Variants in CHSY3 observed in about 807,000 individuals in gnomAD.
The protein encoded by CHSY3 is chondroitin sulfate synthase 3.
CHSY3 carries 35 observed loss-of-function variants against 67.2 expected under a neutral mutation model. The observed-to-expected ratio is 0.52, with a 90% CI of 0.40 to 0.69. CHSY3 has a LOEUF of 0.69. Among genes scored for constraint, CHSY3 ranks in the 30% least tolerant of loss-of-function variants. The pLI is 0.00. For synonymous variants in CHSY3, 474 were observed against 434.7 expected (o/e 1.09, Z -1.12); for missense variants, 1,069 against 1,138.5 (o/e 0.94, Z 0.88).
intron 2 of CHSY3, among the ~76,000 whole-genome samples, chr5:129,911,273 C>T (rs570106466): frequency 6.6e-6 from 1 of 152,108 alleles, no homozygotes; most frequent in East Asian, 1.9e-4. Context: ...ATTACTTTCT[C>T]TGTGTTTGTA....
At chr5:129,914,473 G>A (rs1305658860) in intron 2 of CHSY3, among the ~76,000 whole-genome samples, 1 of 152,124 alleles carries the variant, frequency 6.6e-6, no homozygotes, top group Non-Finnish European at 1.5e-5. Flanking sequence ...TGCCCCCAAA[G>A]TATATTCATA....
chr5:129,949,574 A>C (rs1270935761), intron 2 of CHSY3, among the ~76,000 whole-genome samples: 7 of 152,156 alleles, frequency 4.6e-5, no homozygotes, highest in Non-Finnish European at 8.8e-5. Context: ...CTCTTCCCAA[A>C]AATTGAAGAA....
chr5:129,975,934 T>C (rs188446794), intron 2 of CHSY3, among the ~76,000 whole-genome samples: 66 of 152,266 alleles, frequency 4.3e-4, no homozygotes, highest in African/African-American at 1.3e-3. Context: ...GACTGATGCA[T>C]GCAGAGTTGA....
intron 2 of CHSY3, among the ~76,000 whole-genome samples, chr5:129,939,807 A>G (rs903475020): frequency 1.3e-5 from 2 of 152,202 alleles, no homozygotes; most frequent in Admixed American, 1.3e-4. Context: ...AATCTTTATA[A>G]GTGCTGCTTA....
chr5:129,919,426 G>A (rs1760845338), intron 2 of CHSY3, among the ~76,000 whole-genome samples: 1 of 152,200 alleles, frequency 6.6e-6, no homozygotes. Flanking sequence ...TGCTGATAGA[G>A]AGATACATGA....
chr5:130,086,980 C>T (rs1156631890), intron 2 of CHSY3, among the ~76,000 whole-genome samples: 1 of 152,112 alleles, frequency 6.6e-6, no homozygotes, highest in Non-Finnish European at 1.5e-5. Context: ...AAAATACTGG[C>T]AAACCGAATC....
intron 2 of CHSY3, among the ~76,000 whole-genome samples, chr5:130,111,338 G>A (rs1191877037): frequency 6.6e-6 from 1 of 152,016 alleles, no homozygotes; most frequent in Non-Finnish European, 1.5e-5. Flanking sequence ...TTTTCACATT[G>A]ATGGTGGATT....
At chr5:130,157,809 A>G (rs1303383165) in intron 2 of CHSY3, among the ~76,000 whole-genome samples, 1 of 152,244 alleles carries the variant, frequency 6.6e-6, no homozygotes, top group Admixed American at 6.5e-5. Flanking sequence ...TTATTTCTTG[A>G]CTATATGCTA....
chr5:130,185,475 A>T lies in CHSY3; in HGVS notation c.2333A>T (p.Tyr778Phe), dbSNP rs1211460765. The stretch of plus-strand genomic sequence containing the variant: ...AAAAAGACTGGATTTTGGAGAGACT[A>T]TGGATATGGCATCACCTGTATTTAC... ...FSKKTGFWRD[Y>F]GYGITCIYKS... Residue 778 changes from tyrosine to phenylalanine, a missense_variant, in exon 3 of 3, where the codon TAT becomes TTT. By Grantham distance (22) the Tyr-to-Phe change is conservative (BLOSUM62 3). Transcript: ENST00000305031. The T allele has an allele frequency of 2.5e-6, 4 of 1,614,042 alleles. No individual in the cohort carries two copies. The highest frequency in any genetic ancestry group is 3.4e-6 in the Non-Finnish European group (4 of 1,179,998).
At chr5:130,084,697 C>T (rs1452823212) in intron 2 of CHSY3, among the ~76,000 whole-genome samples, 4 of 151,824 alleles carry the variant, frequency 2.6e-5, no homozygotes, top group Admixed American at 6.6e-5. Context: ...TAAACACAAT[C>T]TATTAATGTC....
At chr5:129,992,465 A>G (rs1232504406) in intron 2 of CHSY3, among the ~76,000 whole-genome samples, 1 of 152,222 alleles carries the variant, frequency 6.6e-6, no homozygotes, top group African/African-American at 2.4e-5. Context: ...GCTGAATTAA[A>G]CTACAAATAC....
rs186523849 is a variant in CHSY3, at chr5:130,096,182, A to G, written c.1087-88047A>G. On this transcript the variant is annotated intron_variant, in intron 2 of 2. Transcript: ENST00000305031. ...AAACTGGAGAAATATATATATATAT[A>G]TGTATTTTCAGATGGAGTCTTGCTC... Among the ~76,000 whole-genome samples, 63 of 152,186 alleles carry G rather than the reference A, an allele frequency of 4.1e-4. 1 individual carries two copies. Among genetic ancestry groups the G allele is most frequent in the Admixed American group, 1.4e-3 (21 of 15,270 alleles).
intron 2 of CHSY3, among the ~76,000 whole-genome samples, chr5:130,126,106 T>C (rs1422303484): frequency 6.6e-6 from 1 of 152,212 alleles, no homozygotes; most frequent in Non-Finnish European, 1.5e-5. Flanking sequence ...AATCACATTT[T>C]GAGGTTGCAT....
Position 130,184,588 on chromosome 5 carries a change from C to T in CHSY3, c.1446C>T (p.Pro482=). Residue 482 remains proline, a synonymous_variant, in exon 3 of 3, where the codon CCC becomes CCT. Transcript: ENST00000305031. The stretch of plus-strand genomic sequence containing the variant: ...TATACTCAGCAGCTGAGAACCAGCC[C>T]CCTCGACAGAGCCTCAGTAGCATTT... ...KLLYSAAENQ[P]PRQSLSSILR... The T allele has an allele frequency of 6.2e-7, 1 of 1,612,382 alleles. No homozygotes were observed. Among genetic ancestry groups the T allele is most frequent in the Non-Finnish European group, 8.5e-7 (1 of 1,178,434 alleles).
At chr5:130,046,990 A>G (rs1765174025) in intron 2 of CHSY3, among the ~76,000 whole-genome samples, 1 of 151,776 alleles carries the variant, frequency 6.6e-6, no homozygotes, top group African/African-American at 2.4e-5. Context: ...TGTTTCTCCT[A>G]TGCTGATGTA....
chr5:130,143,670 T>C (rs1247454085), intron 2 of CHSY3, among the ~76,000 whole-genome samples: 1 of 148,604 alleles, frequency 6.7e-6, no homozygotes, highest in Non-Finnish European at 1.5e-5. Context: ...TATGTACATT[T>C]ATTTGACATA....
chr5:129,969,077 A>G (rs925294327), intron 2 of CHSY3, among the ~76,000 whole-genome samples: 1 of 151,858 alleles, frequency 6.6e-6, no homozygotes, highest in Non-Finnish European at 1.5e-5. Flanking sequence ...ATGTACTGGT[A>G]TATATTTTAC....
intron 2 of CHSY3, among the ~76,000 whole-genome samples, chr5:130,171,941 A>T (rs2149733059): frequency 6.6e-6 from 1 of 152,338 alleles, no homozygotes; most frequent in African/African-American, 2.4e-5. Flanking sequence ...AAGAAACTAT[A>T]GTCCTAGGAA....
intron 2 of CHSY3, among the ~76,000 whole-genome samples, chr5:129,979,577 T>G (rs181865376): frequency 7.2e-5 from 11 of 152,334 alleles, no homozygotes; most frequent in African/African-American, 2.4e-4. Context: ...AAGGTACATT[T>G]GTTACAATCG....
Sources: gnomAD v4.1 joint callset for allele counts (sites outside exome capture counted in the v4.1 genomes callset) on GRCh38, gnomAD v4.1.1 for gene constraint, MANE v1.5 for transcripts, NCBI Gene and HGNC (gene_info 2026-07-23, HGNC 2026-07-21) for gene names.